LRRIQ1: variants seen among roughly 807,000 people sequenced by gnomAD.
LRRIQ1 encodes leucine rich repeats and IQ motif containing 1.
Under a neutral mutation model 211.9 loss-of-function variants are expected in LRRIQ1, and 210 were observed. That is an observed-to-expected ratio of 0.99 (90% CI 0.89 to 1.11). The LOEUF (loss-of-function observed/expected upper bound fraction) is 1.11, where lower values mean the gene tolerates loss of function less well. LRRIQ1 is among the 50% of genes most tolerant of loss of function. The pLI is 0.00. For synonymous variants in LRRIQ1, 699 were observed against 650.1 expected (o/e 1.08, Z -1.14); for missense variants, 2,136 against 1,939.5 (o/e 1.10, Z -1.90).
intron 15 of LRRIQ1, among the ~76,000 whole-genome samples, chr12:85,118,466 A>T (rs1887730083): frequency 6.8e-6 from 1 of 147,550 alleles, no homozygotes; most frequent in Non-Finnish European, 1.5e-5. Flanking sequence ...GGGGGTTGGG[A>T]GCTATTTCTG....
intron 23 of LRRIQ1, 83 bp from the exon 24 acceptor site, chr12:85,160,529 AC>A: frequency 1.4e-6 from 1 of 729,798 alleles, no homozygotes. Flanking sequence ...TTTTTTTACT[AC>A]CACCATATAA....
chr12:85,038,539 G>A (rs1178139584), intron 2 of LRRIQ1, among the ~76,000 whole-genome samples: 1 of 151,286 alleles, frequency 6.6e-6, no homozygotes, highest in Non-Finnish European at 1.5e-5. Flanking sequence ...GAACATTTTA[G>A]CATGATTAAA....
intron 24 of LRRIQ1, among the ~76,000 whole-genome samples, chr12:85,210,571 C>T (rs937066984): frequency 2.6e-5 from 4 of 152,212 alleles, no homozygotes; most frequent in Admixed American, 2.6e-4. Flanking sequence ...CTCAAGATCA[C>T]AGATAGTAAA....
chr12:85,157,321 A>G (rs1206986045), intron 23 of LRRIQ1, among the ~76,000 whole-genome samples: 1 of 151,898 alleles, frequency 6.6e-6, no homozygotes, highest in Non-Finnish European at 1.5e-5. Flanking sequence ...GAATTGATTG[A>G]AAGCTACACG....
At chr12:85,129,632 G>A (rs1044086550) in intron 18 of LRRIQ1, among the ~76,000 whole-genome samples, 3 of 152,110 alleles carry the variant, frequency 2.0e-5, no homozygotes, top group African/African-American at 7.2e-5. Context: ...GAATATTCGA[G>A]GCAAAGGAAC....
intron 6 of LRRIQ1, 24 bp downstream of exon 6, chr12:85,047,494 T>C: frequency 1.3e-6 from 2 of 1,586,518 alleles, no homozygotes; most frequent in African/African-American, 2.7e-5. Context: ...GTTTTTCATG[T>C]ATTTTTAAAA....
chr12:85,089,423 G>C (rs1419670862), intron 11 of LRRIQ1, among the ~76,000 whole-genome samples: 1 of 152,170 alleles, frequency 6.6e-6, no homozygotes, highest in African/African-American at 2.4e-5. Flanking sequence ...AGAAAGTTTG[G>C]AACTTATTGG....
intron 17 of LRRIQ1, among the ~76,000 whole-genome samples, chr12:85,127,381 GTCCTTCCTCTTACAGTAAAGGAAGCC>G (rs1360475429): frequency 6.6e-6 from 1 of 152,156 alleles, no homozygotes; most frequent in South Asian, 2.1e-4. Context: ...ACCTGATAGG[GTCCTTCCTCTTACAGTAAAGGAAGCC>G]TCCTTCCTCT....
In LRRIQ1 at chr12:85,079,244, C is replaced by CTTTTT. The variant is rs3058476; in HGVS notation, c.2887+6165_2887+6169dup. On this transcript the variant is annotated intron_variant, in intron 11 of 26. Coordinates refer to ENST00000393217, the MANE Select transcript of LRRIQ1 (RefSeq NM_001079910.2). Reference sequence around the variant, plus strand: ...TAGTGTTCACATGATGTATCTTTATCTTTTTTTTTTTTTTTTTTTTTTTGA... The same window carrying CTTTTT: ...TAGTGTTCACATGATGTATCTTTATCTTTTTTTTTTTTTTTTTTTTTTTTTTTTGA... Among the ~76,000 whole-genome samples, 58 of 103,550 alleles carry CTTTTT rather than the reference C, an allele frequency of 5.6e-4. 1 individual carries two copies. Among genetic ancestry groups the CTTTTT allele is most frequent in the East Asian group, 1.1e-3 (3 of 2,830 alleles). 67.9% of individuals were successfully genotyped at this position (103,550 alleles called of 152,430 possible).
chr12:85,206,860 G>A (rs1893579955), intron 24 of LRRIQ1, among the ~76,000 whole-genome samples: 1 of 152,096 alleles, frequency 6.6e-6, no homozygotes, highest in Admixed American at 6.5e-5. Context: ...CATCTCACAG[G>A]CAAGATTGCT....
intron 6 of LRRIQ1, among the ~76,000 whole-genome samples, chr12:85,049,361 A>T (rs1880029117): frequency 6.6e-6 from 1 of 152,172 alleles, no homozygotes; most frequent in Non-Finnish European, 1.5e-5. Context: ...GCTATTTAGT[A>T]TCAACATCTG....
At chr12:85,206,564 C>T (rs1427736579) in intron 24 of LRRIQ1, among the ~76,000 whole-genome samples, 3 of 152,078 alleles carry the variant, frequency 2.0e-5, no homozygotes, top group South Asian at 4.1e-4. Context: ...CACATGTTAA[C>T]CAGCAAAGCA....
intron 11 of LRRIQ1, among the ~76,000 whole-genome samples, chr12:85,078,627 T>A (rs1019679009): frequency 1.3e-5 from 2 of 152,172 alleles, no homozygotes. Flanking sequence ...CTGTTACATG[T>A]TTCTGTTAAA....
At chr12:85,269,645 A>C in the LRRIQ1 span, among the ~76,000 whole-genome samples, 1 of 152,020 alleles carries the variant, frequency 6.6e-6, no homozygotes. Context: ...TGATTTCCTG[A>C]ACAAGCTAAT....
intron 24 of LRRIQ1, among the ~76,000 whole-genome samples, chr12:85,215,427 TG>T (rs1485994263): frequency 1.3e-5 from 2 of 152,140 alleles, no homozygotes; most frequent in Non-Finnish European, 2.9e-5. Context: ...GGGGGTTTGT[TG>T]TACAGATTAT....
intron 17 of LRRIQ1, among the ~76,000 whole-genome samples, chr12:85,125,462 C>A (rs1565852103): frequency 1.3e-5 from 2 of 152,050 alleles, no homozygotes; most frequent in Non-Finnish European, 2.9e-5. Context: ...GTTCTTTTTA[C>A]TTTTGGCCTC....
intron 26 of LRRIQ1, among the ~76,000 whole-genome samples, chr12:85,237,441 A>G (rs1387663317): frequency 6.6e-6 from 1 of 152,028 alleles, no homozygotes; most frequent in Non-Finnish European, 1.5e-5. Flanking sequence ...ATACTAGAGA[A>G]AGTGTTGCAA....
intron 10 of LRRIQ1, 57 bp from the exon 11 acceptor site, chr12:85,072,850 A>G: frequency 1.6e-6 from 2 of 1,284,086 alleles, no homozygotes; most frequent in Non-Finnish European, 2.1e-6. Flanking sequence ...AGCTATAACC[A>G]CTTGCATTTA....
At chr12:85,097,141 G>A (rs1885948970) in intron 11 of LRRIQ1, among the ~76,000 whole-genome samples, 1 of 152,168 alleles carries the variant, frequency 6.6e-6, no homozygotes, top group African/African-American at 2.4e-5. Flanking sequence ...AGGGGGCATT[G>A]TATTAGTTTA....
Sources: allele counts gnomAD v4.1 joint callset (sites outside exome capture counted in the v4.1 genomes callset), GRCh38; gene constraint gnomAD v4.1.1; transcripts MANE v1.5; gene names NCBI Gene and HGNC (gene_info 2026-07-23, HGNC 2026-07-21).